The following DEPDC5 variants were observed in gnomAD, a reference collection of about 807,000 sequenced individuals.
DEPDC5 encodes GATOR1 complex protein DEPDC5.
DEPDC5 carries 73 observed loss-of-function variants against 217.3 expected under a neutral mutation model. The ratio of observed to expected loss-of-function variants is 0.34; its 90% CI spans 0.28 to 0.41. The LOEUF is 0.41. DEPDC5 is among the 10% of genes least tolerant of loss of function. DEPDC5 has a pLI of 1.00. For synonymous variants in DEPDC5, 733 were observed against 756.7 expected (o/e 0.97, Z 0.51); for missense variants, 1,675 against 2,070.1 (o/e 0.81, Z 3.70).
At chr22:31,869,081 C>T (rs1455474813) in intron 33 of DEPDC5, among the ~76,000 whole-genome samples, 1 of 151,712 alleles carries the variant, frequency 6.6e-6, no homozygotes, top group Non-Finnish European at 1.5e-5. Context: ...TGTCTCTACA[C>T]ACAAAAAAAA....
intron 33 of DEPDC5, among the ~76,000 whole-genome samples, chr22:31,862,067 C>A (rs1192182908): frequency 6.6e-6 from 1 of 151,772 alleles, no homozygotes; most frequent in Non-Finnish European, 1.5e-5. Flanking sequence ...ATGGAGAAAC[C>A]CCATCTCTAC....
chr22:31,880,093 C>T (rs1482141496), intron 38 of DEPDC5: 2 of 292,652 alleles, frequency 6.8e-6, no homozygotes, highest in Non-Finnish European at 1.3e-5. Context: ...CAGCTAGTTC[C>T]TGCCGGAGCC....
At position 31,792,128 on chromosome 22, in the gene DEPDC5, TTA is replaced by T. The variant is rs1183530051; in HGVS notation, c.694+28_694+29del. The T allele has an allele frequency of 1.9e-6, 3 of 1,566,212 alleles. No individual in the cohort carries two copies. The Admixed American group carries it at 5.0e-5, about 26-fold the overall frequency. On this transcript the variant is annotated intron_variant, in intron 11 of 42. Transcript: ENST00000651528. ...GTGAGTAACTATTTCTCTCCTACAG[TTA>T]TGTTTTTGTTAAGCTTCCCCCAACC...
chr22:31,853,865 AG>A, intron 31 of DEPDC5, among the ~76,000 whole-genome samples: 1 of 152,336 alleles, frequency 6.6e-6, no homozygotes, highest in South Asian at 2.1e-4. Flanking sequence ...GTTCTGTCCA[AG>A]GTGGCTCTAG....
chr22:31,794,012 G>A (rs749371114), intron 12 of DEPDC5, among the ~76,000 whole-genome samples: 2 of 152,134 alleles, frequency 1.3e-5, no homozygotes, highest in African/African-American at 2.4e-5. Context: ...GATAGATACT[G>A]TTACCCCATT....
chr22:31,807,022 C>A (rs574944155), intron 18 of DEPDC5, among the ~76,000 whole-genome samples: 13 of 152,130 alleles, frequency 8.5e-5, no homozygotes, highest in Non-Finnish European at 1.5e-4. Context: ...TGGAAACAAA[C>A]AAACCAAGAA....
intron 8 of DEPDC5, among the ~76,000 whole-genome samples, chr22:31,781,294 C>T (rs1049241613): frequency 1.3e-5 from 2 of 151,684 alleles, no homozygotes; most frequent in Non-Finnish European, 2.9e-5. Context: ...TCAGGTTTTC[C>T]ATTAAATTAA....
chr22:31,843,169 A>T lies in DEPDC5; in HGVS notation c.2590A>T (p.Thr864Ser), dbSNP rs752198928. The change falls in exon 28 of 43, where the codon ACG (threonine) becomes TCG (serine). Residue 864 changes from threonine (T) to serine (S), a missense_variant. Physicochemically the swap from Thr to Ser is moderately conservative, Grantham distance 58 (BLOSUM62 1). This residue lies in a region of DEPDC5 where 293 missense variants were observed against 386.1 expected (regional missense o/e 0.76). Transcript: ENST00000651528. ...TATGGGCAGAACGTTCCACAAAGTG[A>T]CGCTGAAGGATAAGATGATCACAGT... ...LSMGRTFHKV[T>S]LKDKMITVTR... 2.1e-5 allele frequency: 34 copies of T among 1,614,218 alleles called. No homozygotes were observed. The highest frequency in any genetic ancestry group is 2.9e-5 in the Non-Finnish European group (34 of 1,180,042).
chr22:31,754,788 C>A (rs2075178018), intron 1 of DEPDC5, 74 bp from the exon 2 acceptor site: 1 of 980,278 alleles, frequency 1.0e-6, no homozygotes. Flanking sequence ...AGTATCTTCA[C>A]TGGCCTAAAA....
intron 24 of DEPDC5, among the ~76,000 whole-genome samples, chr22:31,826,033 GACTC>G (rs995546409): frequency 1.3e-5 from 2 of 151,606 alleles, no homozygotes; most frequent in African/African-American, 4.9e-5. Context: ...TTGAGGAAGA[GACTC>G]ACTCTGTCTC....
chr22:31,843,946 C>T, intron 29 of DEPDC5, 134 bp downstream of exon 29: 2 of 1,054,382 alleles, frequency 1.9e-6, no homozygotes, highest in Non-Finnish European at 2.5e-6. Context: ...ACAGGGTTGA[C>T]TGGGCGCGGT....
At chr22:31,775,964 C>T (rs1241691107) in intron 7 of DEPDC5, among the ~76,000 whole-genome samples, 1 of 147,448 alleles carries the variant, frequency 6.8e-6, no homozygotes, top group Non-Finnish European at 1.5e-5. Context: ...TCGCTTGAAC[C>T]AGGGAGTCAG....
Position 31,837,051 on chromosome 22 carries a change from G to T in DEPDC5, c.2250G>T (p.Pro750=). 1 of 1,614,092 alleles carries T rather than the reference G, an allele frequency of 6.2e-7. No homozygotes were observed. Among genetic ancestry groups the T allele is most frequent in the Middle Eastern group, 1.6e-4 (1 of 6,062 alleles). Reference sequence around the variant, plus strand: ...TGGACTGGAAGTCTCTCACTACTCCGGCGTGCCTCCCCCTTACCACCGACT... The same window carrying T: ...TGGACTGGAAGTCTCTCACTACTCCTGCGTGCCTCCCCCTTACCACCGACT... The part of the protein sequence containing the change: ...VGVDWKSLTT[P]ACLPLTTDYF... The change falls in exon 26 of 43, where the codon CCG becomes CCT. Residue 750 remains proline, a synonymous_variant. Transcript: ENST00000651528.
At position 31,815,002 on chromosome 22, in the gene DEPDC5, G is replaced by C; in HGVS notation, c.1456G>C (p.Glu486Gln). ...TCTCTTGCCTGGCAGATCTGTGCGA[G>C]AGCGAGAGAGTCACAGTCGAAAGAG... The part of the protein sequence containing the change: ...QCLTTCRSVR[E>Q]RESHSRKSAS... Residue 486 changes from glutamate to glutamine, a missense_variant, in exon 21 of 43, where the codon GAG (glutamate) becomes CAG (glutamine). By Grantham distance (29) the Glu-to-Gln change is conservative. Around this residue, in one of 11 missense-constraint regions of DEPDC5, gnomAD observed 628 missense variants for 762.1 expected, o/e 0.82. Transcript: ENST00000651528. 6.2e-7 allele frequency: 1 copy of C among 1,614,066 alleles called. No homozygotes were observed. The highest frequency in any genetic ancestry group is 1.1e-5 in the South Asian group (1 of 91,074).
At chr22:31,845,865 T>TC (rs2149030700) in intron 30 of DEPDC5, among the ~76,000 whole-genome samples, 2 of 148,314 alleles carry the variant, frequency 1.3e-5, no homozygotes, top group South Asian at 4.2e-4. Context: ...ATGCTAGTCT[T>TC]TTTTTTTTTT....
Position 31,792,053 on chromosome 22 carries a change from A to G in DEPDC5, c.645A>G (p.Glu215=). The G allele has an allele frequency of 6.2e-7, 1 of 1,612,976 alleles. No homozygotes were observed. Among genetic ancestry groups the G allele is most frequent in the East Asian group, 2.2e-5 (1 of 44,862 alleles). ...TKWKEKNCSH[E]VTVVLFSRTF... ...CTTAGGAGAAGAACTGTAGTCATGA[A>G]GTGACAGTGGTCCTGTTTTCTAGAA... Residue 215 remains glutamate (E), a synonymous_variant, in exon 11 of 43, where the codon GAA becomes GAG. Transcript: ENST00000651528.
At chr22:31,768,917 C>T (rs1395510411) in intron 7 of DEPDC5, 54 bp downstream of exon 7, 1 of 1,593,570 alleles carries the variant, frequency 6.3e-7, no homozygotes, top group African/African-American at 1.3e-5. Context: ...CTACATAAAG[C>T]AGTGGAGGCG....
chr22:31,834,509 T>C (rs2090842587), intron 25 of DEPDC5, among the ~76,000 whole-genome samples: 1 of 151,970 alleles, frequency 6.6e-6, no homozygotes, highest in Admixed American at 6.6e-5. Context: ...CTGAGTCTTT[T>C]TGTCCCCACT....
intron 11 of DEPDC5, 38 bp downstream of exon 11, chr22:31,792,140 T>A (rs1399600316): frequency 6.7e-7 from 1 of 1,491,484 alleles, no homozygotes; most frequent in Non-Finnish European, 9.3e-7. Context: ...ATGTTTTTGT[T>A]AAGCTTCCCC....
Sources: allele counts gnomAD v4.1 joint callset (sites outside exome capture counted in the v4.1 genomes callset), GRCh38; gene constraint gnomAD v4.1.1; regional missense constraint gnomAD v4.1.1; transcripts MANE v1.5; gene names NCBI Gene and HGNC (gene_info 2026-07-23, HGNC 2026-07-21).